SLC2A9: variants seen among roughly 807,000 people sequenced by gnomAD.
The protein encoded by SLC2A9 is solute carrier family 2, facilitated glucose transporter member 9.
A neutral mutation model predicts 50.6 loss-of-function variants in SLC2A9; 39 were observed. The ratio of observed to expected loss-of-function variants is 0.77; its 90% CI spans 0.60 to 1.01. The LOEUF (loss-of-function observed/expected upper bound fraction) is 1.01, where lower values mean the gene tolerates loss of function less well. Among genes scored for constraint, SLC2A9 ranks in the 50% least tolerant of loss-of-function variants. The pLI is 0.00. For missense variants in SLC2A9, 686 were observed against 677.6 expected, an observed-to-expected ratio of 1.01 and a Z score of -0.14; for synonymous variants, 324 against 276.9, an observed-to-expected ratio of 1.17 and a Z score of -1.69.
At chr4:9,940,336 T>G (rs977411533) in intron 6 of SLC2A9, among the ~76,000 whole-genome samples, 2 of 152,212 alleles carry the variant, frequency 1.3e-5, no homozygotes, top group African/African-American at 4.8e-5. Context: ...CCCGGTACAA[T>G]AGCCACTACT....
At chr4:10,009,789 A>G (rs1347475625) in intron 2 of SLC2A9, 1 of 152,250 alleles carries the variant, frequency 6.6e-6, no homozygotes, top group Non-Finnish European at 1.5e-5. Flanking sequence ...GTTCTCATTC[A>G]TTCTTTCTCA....
At chr4:9,772,520 A>C (rs966053296) in intron 1 of SLC2A9, among the ~76,000 whole-genome samples, 1 of 152,162 alleles carries the variant, frequency 6.6e-6, no homozygotes, top group East Asian at 1.9e-4. Flanking sequence ...GGCCGCATTG[A>C]CCCCACCCCT....
chr4:10,008,662 A>G (rs1761213130), intron 2 of SLC2A9, among the ~76,000 whole-genome samples: 2 of 152,206 alleles, frequency 1.3e-5, no homozygotes, highest in Non-Finnish European at 2.9e-5. Flanking sequence ...GTGGATTTAG[A>G]TGACACATTA....
At chr4:9,926,325 C>T (rs1409924979) in intron 6 of SLC2A9, among the ~76,000 whole-genome samples, 1 of 148,492 alleles carries the variant, frequency 6.7e-6, no homozygotes, top group South Asian at 2.2e-4. Flanking sequence ...TTGGTGCTCA[C>T]CAATGCAAAC....
chr4:9,829,170 G>A (rs979560390), intron 11 of SLC2A9, among the ~76,000 whole-genome samples: 4 of 152,174 alleles, frequency 2.6e-5, no homozygotes, highest in Non-Finnish European at 5.9e-5. Flanking sequence ...TTGGGAGGCT[G>A]AGGTGGGTGG....
intron 10 of SLC2A9, among the ~76,000 whole-genome samples, chr4:9,871,734 A>G (rs550718508): frequency 2.4e-4 from 37 of 152,350 alleles, no homozygotes; most frequent in South Asian, 1.7e-3. Flanking sequence ...TACTCAACCC[A>G]TTACAGTAGC....
intron 1 of SLC2A9, among the ~76,000 whole-genome samples, chr4:9,774,664 AT>A (rs1717300403): frequency 6.6e-6 from 1 of 152,130 alleles, no homozygotes; most frequent in Non-Finnish European, 1.5e-5. Context: ...AGACCATGGT[AT>A]GCCTGAATTT....
rs1383267465 is a variant in SLC2A9, at chr4:9,826,555, T to TAA, written c.1464_1465insTT (p.Ile489LeufsTer49). The TAA allele has an allele frequency of 3.7e-6, 6 of 1,614,126 alleles. No homozygotes were observed. In the Admixed American group the frequency reaches 8.3e-5, roughly 22 times the overall value. ...AAATACAGGTAGATAGCACCTGTGA[T>TAA]ACAAATTGTAGCAAAGACTAGGAAA... On this transcript the variant is annotated frameshift_variant, in exon 12 of 12. Transcript: ENST00000264784. LOFTEE classifies it low-confidence loss of function (END_TRUNC).
chr4:10,021,410 C>T lies in SLC2A9; in HGVS notation c.20G>A (p.Arg7Lys). MARKQNRNSKELGLVPL... is the reference protein window; with the variant it reads MARKQNKNSKELGLVPL... The stretch of plus-strand genomic sequence containing the variant: ...AACTAGGCCCAGTTCCTTGGAATTC[C>T]TATTTTGTTTCCTTGCCATGGGTCT... Residue 7 changes from arginine (R) to lysine (K), a missense_variant, in exon 1 of 12, where the codon AGG becomes AAG. By Grantham distance (26) the Arg-to-Lys change is conservative. Coordinates refer to ENST00000264784, the MANE Select transcript of SLC2A9 (RefSeq NM_020041.3). The T allele has an allele frequency of 1.2e-6, 2 of 1,614,202 alleles. No individual in the cohort carries two copies. The highest frequency in any genetic ancestry group is 1.7e-6 in the Non-Finnish European group (2 of 1,180,028).
At position 9,973,238 on chromosome 4, in the gene SLC2A9, C is replaced by CA. The variant is rs1477807582; in HGVS notation, c.681+7353dup. On this transcript the variant is annotated intron_variant, in intron 5 of 11. Coordinates refer to ENST00000264784, the MANE Select transcript of SLC2A9 (RefSeq NM_020041.3). ...TGGAAACTCACAATTTCCCAAGATTCAATTAGGAAGAAACTGAAACCCTGA... is the reference window on the plus strand; with the variant it reads ...TGGAAACTCACAATTTCCCAAGATTCAAATTAGGAAGAAACTGAAACCCTGA... Among the ~76,000 whole-genome samples the CA allele has an allele frequency of 5.3e-5, 8 of 152,150 alleles. No homozygotes were observed. In the East Asian group the frequency reaches 1.5e-3, roughly 29 times the overall value.
chr4:9,985,572 G>C (rs772527021), intron 4 of SLC2A9, 97 bp downstream of exon 4: 82 of 1,521,432 alleles, frequency 5.4e-5, no homozygotes, highest in Middle Eastern at 1.9e-4. Context: ...TGCCAGCAGA[G>C]AGCCCCAGTC....
chr4:9,798,382 T>C (rs1415568291), downstream of SLC2A9, among the ~76,000 whole-genome samples: 1 of 152,236 alleles, frequency 6.6e-6, no homozygotes, highest in African/African-American at 2.4e-5. Flanking sequence ...GGTCACTGTA[T>C]TCCAACATTC....
At chr4:9,849,219 G>A (rs1201641100) in intron 10 of SLC2A9, among the ~76,000 whole-genome samples, 1 of 152,164 alleles carries the variant, frequency 6.6e-6, no homozygotes, top group Non-Finnish European at 1.5e-5. Flanking sequence ...GACAGGATCA[G>A]ATTTGTGATT....
chr4:9,946,757 C>T (rs1481442427), intron 5 of SLC2A9, among the ~76,000 whole-genome samples: 1 of 152,224 alleles, frequency 6.6e-6, no homozygotes, highest in African/African-American at 2.4e-5. Flanking sequence ...AGAATGTCAT[C>T]TAAATACAAC....
intron 3 of SLC2A9, among the ~76,000 whole-genome samples, chr4:9,818,462 T>G (rs1723941640): frequency 6.6e-6 from 1 of 152,244 alleles, no homozygotes; most frequent in Admixed American, 6.5e-5. Context: ...CAGCTTGAAC[T>G]CAACTACTCA....
chr4:10,015,714 G>C (rs965413724), intron 2 of SLC2A9, among the ~76,000 whole-genome samples: 2 of 152,182 alleles, frequency 1.3e-5, no homozygotes, highest in East Asian at 3.9e-4. Flanking sequence ...CCAGAAGGAA[G>C]GTCCTTGCCA....
At chr4:9,953,964 C>T (rs1750755273) in intron 5 of SLC2A9, among the ~76,000 whole-genome samples, 1 of 151,812 alleles carries the variant, frequency 6.6e-6, no homozygotes, top group Non-Finnish European at 1.5e-5. Flanking sequence ...CATGAGCCAC[C>T]ATGCCCGGCT....
chr4:9,970,436 C>T (rs1753717329), intron 5 of SLC2A9, among the ~76,000 whole-genome samples: 1 of 152,040 alleles, frequency 6.6e-6, no homozygotes, highest in African/African-American at 2.4e-5. Context: ...GTACTGTAGT[C>T]ACAAGTACAG....
intron 7 of SLC2A9, among the ~76,000 whole-genome samples, chr4:9,910,632 T>G (rs1231489369): frequency 2.0e-5 from 3 of 152,224 alleles, no homozygotes; most frequent in Non-Finnish European, 4.4e-5. Flanking sequence ...CAGCTCATGG[T>G]CCTGAGGCTC....
Sources: gnomAD v4.1 joint callset for allele counts (sites outside exome capture counted in the v4.1 genomes callset) on GRCh38, gnomAD v4.1.1 for gene constraint, MANE v1.5 for transcripts, NCBI Gene and HGNC (gene_info 2026-07-23, HGNC 2026-07-21) for gene names.